CDH13: variants seen among roughly 807,000 people sequenced by gnomAD.
The protein encoded by CDH13 is cadherin 13, also known as cadherin-13.
A neutral mutation model predicts 63.8 loss-of-function variants in CDH13; 24 were observed. That is an observed-to-expected ratio of 0.38 (90% CI 0.27 to 0.53). CDH13 has a LOEUF of 0.53. Ranked by LOEUF, CDH13 falls within the 20% of genes least tolerant of loss-of-function variation. CDH13 has a pLI of 0.85. For missense variants in CDH13, 1,049 were observed against 903.1 expected, an observed-to-expected ratio of 1.16 and a Z score of -2.07; for synonymous variants, 503 against 355.3, an observed-to-expected ratio of 1.42 and a Z score of -4.67.
chr16:83,204,755 A>G (rs1395212795), intron 4 of CDH13, among the ~76,000 whole-genome samples: 1 of 152,232 alleles, frequency 6.6e-6, no homozygotes, highest in Non-Finnish European at 1.5e-5. Context: ...ATTAAGCTCC[A>G]TGCCCTCAGA....
intron 6 of CDH13, among the ~76,000 whole-genome samples, chr16:83,359,225 A>G (rs1459870397): frequency 1.3e-5 from 2 of 152,164 alleles, no homozygotes; most frequent in African/African-American, 4.8e-5. Flanking sequence ...GTTTTCAGCT[A>G]TGTTTCCACT....
chr16:83,020,054 C>T (rs1915203256), intron 2 of CDH13, among the ~76,000 whole-genome samples: 1 of 152,106 alleles, frequency 6.6e-6, no homozygotes, highest in Non-Finnish European at 1.5e-5. Context: ...CCTCACTAGG[C>T]AATAGGACTT....
At chr16:82,793,651 C>A (rs185970001) in intron 1 of CDH13, among the ~76,000 whole-genome samples, 31 of 152,142 alleles carry the variant, frequency 2.0e-4, no homozygotes. Context: ...ACAGAGCAAA[C>A]CCTGGTATCA....
At chr16:83,345,248 T>C (rs1385498352) in intron 6 of CDH13, among the ~76,000 whole-genome samples, 1 of 152,192 alleles carries the variant, frequency 6.6e-6, no homozygotes, top group Admixed American at 6.5e-5. Context: ...ATGACTGCCA[T>C]CTAAGTCTCT....
At chr16:82,813,935 A>G (rs1270204038) in intron 1 of CDH13, among the ~76,000 whole-genome samples, 1 of 151,950 alleles carries the variant, frequency 6.6e-6, no homozygotes, top group Non-Finnish European at 1.5e-5. Context: ...TAGGGATAAT[A>G]TTACCTACCT....
At chr16:83,188,869 C>T (rs1393446797) in intron 4 of CDH13, among the ~76,000 whole-genome samples, 2 of 152,060 alleles carry the variant, frequency 1.3e-5, no homozygotes, top group South Asian at 2.1e-4. Flanking sequence ...CTCCTGTAGT[C>T]GGGGTGAGTT....
chr16:83,353,266 G>A (rs1411669268), intron 6 of CDH13, among the ~76,000 whole-genome samples: 1 of 152,236 alleles, frequency 6.6e-6, no homozygotes, highest in African/African-American at 2.4e-5. Flanking sequence ...TCCTAACTAT[G>A]TCTGAAGGTC....
chr16:82,676,914 T>C (rs564610706), intron 1 of CDH13, among the ~76,000 whole-genome samples: 85 of 144,732 alleles, frequency 5.9e-4, no homozygotes, highest in Non-Finnish European at 9.8e-4. Context: ...CAACGGAGTC[T>C]CACTCTGTCA....
chr16:83,674,081 G>C (rs1030430673), intron 9 of CDH13, among the ~76,000 whole-genome samples: 1 of 152,172 alleles, frequency 6.6e-6, no homozygotes, highest in Non-Finnish European at 1.5e-5. Flanking sequence ...AGCCAGCTAG[G>C]CCATGCTCTC....
chr16:82,930,162 G>C (rs2042443461), intron 2 of CDH13, among the ~76,000 whole-genome samples: 1 of 149,084 alleles, frequency 6.7e-6, no homozygotes, highest in South Asian at 2.1e-4. Flanking sequence ...ATTTTTAAGA[G>C]AGATGGCATT....
chr16:83,173,365 A>C (rs1053159050), intron 4 of CDH13, among the ~76,000 whole-genome samples: 1 of 152,134 alleles, frequency 6.6e-6, no homozygotes, highest in Non-Finnish European at 1.5e-5. Context: ...AACTTGTCAG[A>C]GCTTTTAAAT....
intron 3 of CDH13, among the ~76,000 whole-genome samples, chr16:83,081,806 CT>C (rs974803297): frequency 4.3e-4 from 63 of 146,682 alleles, no homozygotes; most frequent in Middle Eastern, 3.5e-3. Context: ...ACCTAATTAC[CT>C]TTTTTTTTTT....
In CDH13 at chr16:83,216,425, T is replaced by TATATATATATATATATATATATAA. The variant is rs1567513997; in HGVS notation, c.484-901_484-900insTATAAATATATATATATATATATA. On this transcript the variant is annotated intron_variant, in intron 4 of 13. Transcript: ENST00000567109. ...ATATATATATATATATATATATATA[T>TATATATATATATATATATATATAA]ATATATATATATATATATACACAAC... Among the ~76,000 whole-genome samples, 3 of 101,088 alleles carry TATATATATATATATATATATATAA rather than the reference T, an allele frequency of 3.0e-5. 1 individual carries two copies. Among genetic ancestry groups the TATATATATATATATATATATATAA allele is most frequent in the Non-Finnish European group, 6.0e-5 (3 of 50,382 alleles). 66.3% of individuals were successfully genotyped at this position (101,088 alleles called of 152,430 possible).
rs768654371 is a variant in CDH13, at chr16:83,794,969, G to A, written c.2135-54G>A. 3.2e-6 allele frequency: 5 copies of A among 1,544,402 alleles called. No individual in the cohort carries two copies. In the East Asian group the frequency reaches 9.3e-5, roughly 29 times the overall value. ...CATTTTTCTGGCTTTTAGCTAAAAT[G>A]TTTTGAATTGAGTGGTGATATTCCC... On this transcript the variant is annotated intron_variant, in intron 13 of 13. Transcript: ENST00000567109.
Position 82,733,510 on chromosome 16 carries a change from G to T in CDH13, c.45+106373G>T, listed in dbSNP as rs542010085. ...AAAGAGTTCATGATTTGGCTGTGTA[G>T]AGCTCTCATTAAGTGATAGGTGACT... is the stretch of plus-strand genomic sequence containing the variant. On this transcript the variant is annotated intron_variant, in intron 1 of 13. Transcript: ENST00000567109. Among the ~76,000 whole-genome samples, 14 of 152,188 alleles carry T rather than the reference G, an allele frequency of 9.2e-5. No homozygotes were observed. The East Asian group carries it at 2.7e-3, about 29-fold the overall frequency.
intron 7 of CDH13, among the ~76,000 whole-genome samples, chr16:83,558,286 T>C (rs945330599): frequency 3.3e-5 from 5 of 152,182 alleles, no homozygotes; most frequent in African/African-American, 1.2e-4. Context: ...GCGGTACCAG[T>C]TAGCAGAGAG....
chr16:83,078,261 C>T (rs762466943), intron 3 of CDH13, among the ~76,000 whole-genome samples: 1 of 152,148 alleles, frequency 6.6e-6, no homozygotes, highest in East Asian at 1.9e-4. Flanking sequence ...ACTCTGTTCT[C>T]TGTTCTGTAA....
intron 5 of CDH13, among the ~76,000 whole-genome samples, chr16:83,231,075 T>A (rs2039988296): frequency 6.6e-6 from 1 of 152,080 alleles, no homozygotes; most frequent in African/African-American, 2.4e-5. Flanking sequence ...GAGCAAGACC[T>A]GGTGCTAGGA....
chr16:83,523,084 C>T (rs574284741), intron 7 of CDH13, among the ~76,000 whole-genome samples: 5 of 152,310 alleles, frequency 3.3e-5, no homozygotes, highest in African/African-American at 9.6e-5. Flanking sequence ...CTCCCTATTC[C>T]ACCCTCCTCT....
Sources: gnomAD v4.1 joint callset for allele counts (sites outside exome capture counted in the v4.1 genomes callset) on GRCh38, gnomAD v4.1.1 for gene constraint, MANE v1.5 for transcripts, NCBI Gene and HGNC (gene_info 2026-07-23, HGNC 2026-07-21) for gene names.